Variants in ENTREP2 observed in about 807,000 individuals in gnomAD.
ENTREP2 encodes protein ENTREP2.
At chr15:29,311,489 A>T in the ENTREP2 span, among the ~76,000 whole-genome samples, 3 of 152,230 alleles carry the variant, frequency 2.0e-5, no homozygotes, top group Non-Finnish European at 2.9e-5. Context: ...CAGGAGTTCC[A>T]GCCCAGCCTG....
At chr15:29,197,375 C>G in the ENTREP2 span, among the ~76,000 whole-genome samples, 1 of 152,130 alleles carries the variant, frequency 6.6e-6, no homozygotes, top group Non-Finnish European at 1.5e-5. Context: ...TTGCTTGAGC[C>G]TAGGAGTTTG....
chr15:29,649,057 T>TACACACACACAC, the ENTREP2 span, among the ~76,000 whole-genome samples: 2,196 of 144,932 alleles, frequency 0.015, 16 homozygotes, highest in East Asian at 0.05. Flanking sequence ...GGGACACATG[T>TACACACACACAC]ACACACACAC....
chr15:29,193,978 T>G, the ENTREP2 span, among the ~76,000 whole-genome samples: 1 of 152,008 alleles, frequency 6.6e-6, no homozygotes, highest in African/African-American at 2.4e-5. Context: ...AAAGAAACAC[T>G]GAAGAAATGA....
the ENTREP2 span, among the ~76,000 whole-genome samples, chr15:29,291,530 T>C: frequency 2.6e-5 from 4 of 152,148 alleles, no homozygotes; most frequent in East Asian, 1.9e-4. Context: ...TCCTGAGCCC[T>C]TGCAGGGCCC....
chr15:29,385,488 A>G, the ENTREP2 span, among the ~76,000 whole-genome samples: 15 of 152,250 alleles, frequency 9.9e-5, no homozygotes, highest in South Asian at 2.1e-4. Flanking sequence ...GAATAAAGCC[A>G]TTAAACTTGG....
chr15:29,182,273 C>T, the ENTREP2 span, among the ~76,000 whole-genome samples: 142 of 151,796 alleles, frequency 9.4e-4, 1 homozygote, highest in Non-Finnish European at 1.8e-3. Context: ...TACAGGCGCC[C>T]GCCACCGCAC....
chr15:29,310,683 G>A, the ENTREP2 span, among the ~76,000 whole-genome samples: 1 of 151,944 alleles, frequency 6.6e-6, no homozygotes, highest in South Asian at 2.1e-4. Context: ...GTGCATGGAA[G>A]CACACCACAG....
At chr15:29,661,466 T>G in the ENTREP2 span, among the ~76,000 whole-genome samples, 1 of 152,210 alleles carries the variant, frequency 6.6e-6, no homozygotes, top group Non-Finnish European at 1.5e-5. Context: ...CCCAAAGTGC[T>G]GGCATTACAG....
At chr15:29,511,568 C>G in the ENTREP2 span, among the ~76,000 whole-genome samples, 1 of 151,484 alleles carries the variant, frequency 6.6e-6, no homozygotes, top group Non-Finnish European at 1.5e-5. Flanking sequence ...CTCAAGTGAT[C>G]TGCCTGCCTT....
At chr15:29,209,106 T>C in the ENTREP2 span, among the ~76,000 whole-genome samples, 18 of 152,290 alleles carry the variant, frequency 1.2e-4, no homozygotes, top group Non-Finnish European at 2.1e-4. Context: ...GTTGGTTCCA[T>C]GGGTTTGTTC....
At chr15:29,356,586 T>G in the ENTREP2 span, among the ~76,000 whole-genome samples, 155 of 151,770 alleles carry the variant, frequency 1.0e-3, 1 homozygote, top group African/African-American at 3.6e-3. Flanking sequence ...ATTACAGGAG[T>G]GAGCCACCGC....
the ENTREP2 span, among the ~76,000 whole-genome samples, chr15:29,208,803 G>C: frequency 6.6e-6 from 1 of 152,164 alleles, no homozygotes; most frequent in South Asian, 2.1e-4. Flanking sequence ...CCTCACACTG[G>C]GAGGAGAGTG....
At chr15:29,580,396 T>C in the ENTREP2 span, among the ~76,000 whole-genome samples, 4 of 152,220 alleles carry the variant, frequency 2.6e-5, no homozygotes, top group South Asian at 8.3e-4. Context: ...TGATTTCATT[T>C]ATCTAGAGTT....
the ENTREP2 span, among the ~76,000 whole-genome samples, chr15:29,347,609 A>C: frequency 6.6e-6 from 1 of 152,232 alleles, no homozygotes; most frequent in South Asian, 2.1e-4. Flanking sequence ...AAAAAAATAC[A>C]ATGTCCTACT....
chr15:29,239,325 T>C, the ENTREP2 span, among the ~76,000 whole-genome samples: 2 of 152,206 alleles, frequency 1.3e-5, no homozygotes, highest in Non-Finnish European at 2.9e-5. Context: ...GGCGACATTC[T>C]GGCCTTCACC....
At chr15:29,385,924 C>T in the ENTREP2 span, among the ~76,000 whole-genome samples, 1 of 152,270 alleles carries the variant, frequency 6.6e-6, no homozygotes, top group East Asian at 1.9e-4. Flanking sequence ...GGCACACCAA[C>T]AGACACCAGC....
At chr15:29,564,738 CCT>C in the ENTREP2 span, among the ~76,000 whole-genome samples, 10 of 152,166 alleles carry the variant, frequency 6.6e-5, no homozygotes, top group South Asian at 2.1e-4. Context: ...CCATCACTCC[CCT>C]GAGGCCACTG....
At chr15:29,283,002 G>A in the ENTREP2 span, among the ~76,000 whole-genome samples, 3 of 152,162 alleles carry the variant, frequency 2.0e-5, no homozygotes, top group African/African-American at 7.2e-5. Flanking sequence ...ATGATAGAGG[G>A]CCATGCTCAC....
chr15:29,537,424 G>C, the ENTREP2 span, among the ~76,000 whole-genome samples: 2 of 152,194 alleles, frequency 1.3e-5, no homozygotes, highest in African/African-American at 4.8e-5. Flanking sequence ...GACCTCAGGA[G>C]AGGTCCACTT....
Sources: allele counts gnomAD v4.1 joint callset (sites outside exome capture counted in the v4.1 genomes callset), GRCh38; gene constraint gnomAD v4.1.1; transcripts MANE v1.5; gene names NCBI Gene and HGNC (gene_info 2026-07-23, HGNC 2026-07-21).